The following ENTREP2 variants were observed in gnomAD, a reference collection of about 807,000 sequenced individuals.
ENTREP2 encodes protein ENTREP2.
At chr15:29,384,831 T>C in the ENTREP2 span, among the ~76,000 whole-genome samples, 1 of 152,156 alleles carries the variant, frequency 6.6e-6, no homozygotes, top group Non-Finnish European at 1.5e-5. Context: ...GGGCTCTGGC[T>C]CTGACTCTGC....
At chr15:29,311,429 C>T in the ENTREP2 span, among the ~76,000 whole-genome samples, 111 of 152,280 alleles carry the variant, frequency 7.3e-4, 4 homozygotes, top group East Asian at 0.017. Flanking sequence ...GTGGCTCACA[C>T]GGGTAATCCC....
chr15:29,397,662 G>C, the ENTREP2 span, among the ~76,000 whole-genome samples: 2 of 152,190 alleles, frequency 1.3e-5, no homozygotes, highest in Non-Finnish European at 2.9e-5. Flanking sequence ...TACTACAATT[G>C]ATTCCCCAAA....
At chr15:29,443,346 C>CCT in the ENTREP2 span, among the ~76,000 whole-genome samples, 2 of 152,208 alleles carry the variant, frequency 1.3e-5, no homozygotes, top group Admixed American at 1.3e-4. Flanking sequence ...AGCCCAGGAA[C>CCT]CTCTCCCTGT....
the ENTREP2 span, among the ~76,000 whole-genome samples, chr15:29,191,969 G>A: frequency 6.6e-6 from 1 of 152,106 alleles, no homozygotes; most frequent in Non-Finnish European, 1.5e-5. Context: ...GGTGCAGGAC[G>A]CTCTGTTCAT....
chr15:29,286,277 C>T, the ENTREP2 span, among the ~76,000 whole-genome samples: 1 of 152,078 alleles, frequency 6.6e-6, no homozygotes, highest in Non-Finnish European at 1.5e-5. Context: ...GCAGAAAATT[C>T]AAAAGAATGT....
the ENTREP2 span, among the ~76,000 whole-genome samples, chr15:29,248,382 C>A: frequency 8.6e-5 from 13 of 152,038 alleles, no homozygotes; most frequent in Admixed American, 8.5e-4. Context: ...AAAAAGTTTT[C>A]TACTTTTCTG....
chr15:29,194,293 G>C, the ENTREP2 span, among the ~76,000 whole-genome samples: 1 of 152,200 alleles, frequency 6.6e-6, no homozygotes, highest in Non-Finnish European at 1.5e-5. Context: ...TCAGGTGGGG[G>C]ACAGGGGCAG....
chr15:29,292,104 T>C, the ENTREP2 span, among the ~76,000 whole-genome samples: 1 of 152,200 alleles, frequency 6.6e-6, no homozygotes, highest in African/African-American at 2.4e-5. Context: ...ATAGGAATTC[T>C]ATCTGCATAA....
chr15:29,272,827 T>C, the ENTREP2 span, among the ~76,000 whole-genome samples: 2 of 152,292 alleles, frequency 1.3e-5, no homozygotes, highest in Non-Finnish European at 2.9e-5. Flanking sequence ...TTTTCAGCCC[T>C]CTGACATCAA....
chr15:29,494,876 G>A, the ENTREP2 span, among the ~76,000 whole-genome samples: 1 of 152,150 alleles, frequency 6.6e-6, no homozygotes, highest in Non-Finnish European at 1.5e-5. Flanking sequence ...CTGCCTGTGT[G>A]TTTGTGTGCA....
At chr15:29,539,535 T>C in the ENTREP2 span, among the ~76,000 whole-genome samples, 1 of 152,090 alleles carries the variant, frequency 6.6e-6, no homozygotes, top group Admixed American at 6.6e-5. Flanking sequence ...CACTCAACCC[T>C]GGCTGTACTT....
the ENTREP2 span, among the ~76,000 whole-genome samples, chr15:29,411,860 G>C: frequency 6.6e-6 from 1 of 152,160 alleles, no homozygotes; most frequent in Non-Finnish European, 1.5e-5. Context: ...ATTTATGGTA[G>C]ACTCCCTGAA....
chr15:29,191,694 G>A, the ENTREP2 span, among the ~76,000 whole-genome samples: 1 of 152,166 alleles, frequency 6.6e-6, no homozygotes, highest in Non-Finnish European at 1.5e-5. Context: ...CAAGGCAGCA[G>A]GATCACTTGA....
At chr15:29,508,774 G>T in the ENTREP2 span, among the ~76,000 whole-genome samples, 1 of 152,162 alleles carries the variant, frequency 6.6e-6, no homozygotes, top group African/African-American at 2.4e-5. Flanking sequence ...AGCTATTTAT[G>T]ACAAACCCAC....
At chr15:29,372,276 T>C in the ENTREP2 span, among the ~76,000 whole-genome samples, 1 of 152,208 alleles carries the variant, frequency 6.6e-6, no homozygotes, top group Admixed American at 6.5e-5. Context: ...GCCTTTATGA[T>C]GGTCCACTTC....
At chr15:29,503,243 T>C in the ENTREP2 span, among the ~76,000 whole-genome samples, 1 of 152,164 alleles carries the variant, frequency 6.6e-6, no homozygotes, top group South Asian at 2.1e-4. Flanking sequence ...TATATACATA[T>C]GGAATGTCAT....
At chr15:29,412,486 G>C in the ENTREP2 span, among the ~76,000 whole-genome samples, 1 of 151,892 alleles carries the variant, frequency 6.6e-6, no homozygotes, top group Non-Finnish European at 1.5e-5. Context: ...TGATTTTAAA[G>C]GGAATACTTT....
At chr15:29,502,085 CTCA>C in the ENTREP2 span, among the ~76,000 whole-genome samples, 13 of 151,924 alleles carry the variant, frequency 8.6e-5, no homozygotes, top group South Asian at 2.1e-4. Context: ...TATCAAAAAT[CTCA>C]TCGAGAATTT....
the ENTREP2 span, among the ~76,000 whole-genome samples, chr15:29,224,393 G>C: frequency 1.3e-5 from 2 of 152,088 alleles, no homozygotes; most frequent in Admixed American, 6.5e-5. Context: ...AGGGAACTGC[G>C]CCGGGTTGCC....
Sources: allele counts gnomAD v4.1 joint callset (sites outside exome capture counted in the v4.1 genomes callset), GRCh38; gene constraint gnomAD v4.1.1; transcripts MANE v1.5; gene names NCBI Gene and HGNC (gene_info 2026-07-23, HGNC 2026-07-21).